Variants in CPED1 observed in about 807,000 individuals in gnomAD.
The protein encoded by CPED1 is cadherin like and PC-esterase domain containing 1.
A neutral mutation model predicts 128.2 loss-of-function variants in CPED1; 114 were observed. That is an observed-to-expected ratio of 0.89 (90% CI 0.76 to 1.04). CPED1 has a LOEUF of 1.04. CPED1 is among the 50% of genes least tolerant of loss of function. The pLI is 0.00. For missense variants in CPED1, 1,211 were observed against 1,207.1 expected (o/e 1.00, Z -0.05); for synonymous variants, 462 against 426.7 (o/e 1.08, Z -1.02).
intron 5 of CPED1, among the ~76,000 whole-genome samples, chr7:121,088,670 AAAAGT>A (rs935308443): frequency 6.7e-6 from 1 of 149,962 alleles, no homozygotes; most frequent in African/African-American, 2.4e-5. Flanking sequence ...AAAAAAAAAG[AAAAGT>A]AGTCATTTGA....
At chr7:121,213,651 A>G (rs1290204673) in intron 16 of CPED1, among the ~76,000 whole-genome samples, 3 of 152,012 alleles carry the variant, frequency 2.0e-5, no homozygotes, top group Non-Finnish European at 2.9e-5. Flanking sequence ...ACCTCACAAA[A>G]CTGTGTTCTT....
intron 16 of CPED1, among the ~76,000 whole-genome samples, chr7:121,214,765 T>C (rs997898330): frequency 4.6e-5 from 7 of 152,084 alleles, no homozygotes; most frequent in Non-Finnish European, 5.9e-5. Flanking sequence ...CACAATGCCA[T>C]AGTAGTCTGA....
chr7:121,077,887 T>A (rs1237223802), intron 5 of CPED1, among the ~76,000 whole-genome samples: 1 of 151,998 alleles, frequency 6.6e-6, no homozygotes, highest in East Asian at 1.9e-4. Context: ...ATTTTTAAAG[T>A]GTTTTTTACA....
intron 2 of CPED1, among the ~76,000 whole-genome samples, chr7:121,012,605 G>T (rs569112138): frequency 6.6e-6 from 1 of 152,150 alleles, no homozygotes; most frequent in Non-Finnish European, 1.5e-5. Flanking sequence ...TTTCACATAC[G>T]CAATGTGTGC....
intron 5 of CPED1, among the ~76,000 whole-genome samples, chr7:121,073,331 T>C (rs554659869): frequency 3.9e-5 from 6 of 152,006 alleles, no homozygotes; most frequent in African/African-American, 1.2e-4. Context: ...ATTGAGGAGA[T>C]GGAAAAAGAG....
intron 3 of CPED1, among the ~76,000 whole-genome samples, chr7:121,044,419 C>T (rs575906242): frequency 3.9e-5 from 6 of 152,206 alleles, no homozygotes; most frequent in Admixed American, 1.3e-4. Context: ...GAAGATATTA[C>T]TTGAAATTTC....
At chr7:121,172,673 G>GATAGATAGATAA (rs1227821339) in intron 16 of CPED1, among the ~76,000 whole-genome samples, 12 of 149,866 alleles carry the variant, frequency 8.0e-5, no homozygotes, top group African/African-American at 2.9e-4. Context: ...TAGATAGATA[G>GATAGATAGATAA]ATAGATAGAT....
At chr7:121,119,236 TA>T (rs1209489656) in intron 7 of CPED1, among the ~76,000 whole-genome samples, 1,221 of 52,098 alleles carry the variant, frequency 0.023, 13 homozygotes, top group African/African-American at 0.053. Flanking sequence ...CTAAAAAAGA[TA>T]TTTTTTTTTT....
intron 4 of CPED1, among the ~76,000 whole-genome samples, chr7:121,048,663 C>T (rs1793275172): frequency 6.6e-6 from 1 of 152,154 alleles, no homozygotes; most frequent in Non-Finnish European, 1.5e-5. Flanking sequence ...CCTCAGCCAC[C>T]AAGTAGCTGG....
At chr7:121,077,817 CT>C (rs1349425479) in intron 5 of CPED1, among the ~76,000 whole-genome samples, 2 of 151,174 alleles carry the variant, frequency 1.3e-5, no homozygotes, top group East Asian at 3.9e-4. Flanking sequence ...TGTCTTTTAC[CT>C]TTATTTATGG....
chr7:121,281,772 C>T (rs1205092244), intron 22 of CPED1, among the ~76,000 whole-genome samples: 1 of 152,036 alleles, frequency 6.6e-6, no homozygotes, highest in African/African-American at 2.4e-5. Context: ...ACTTGAAAGT[C>T]TTGAAAGTCT....
intron 3 of CPED1, among the ~76,000 whole-genome samples, chr7:121,022,289 A>C (rs1409101626): frequency 6.6e-6 from 1 of 152,064 alleles, no homozygotes; most frequent in Non-Finnish European, 1.5e-5. Context: ...AGGAACACTG[A>C]TATTCTATTT....
intron 2 of CPED1, among the ~76,000 whole-genome samples, chr7:121,005,049 C>T (rs1001302809): frequency 2.0e-5 from 3 of 152,082 alleles, no homozygotes; most frequent in Non-Finnish European, 1.5e-5. Flanking sequence ...TATTTAATGT[C>T]TCATATATAA....
chr7:121,227,670 C>T (rs1798045907), intron 16 of CPED1, among the ~76,000 whole-genome samples: 2 of 152,036 alleles, frequency 1.3e-5, no homozygotes, highest in Admixed American at 1.3e-4. Context: ...TAAAACCTAC[C>T]TCTCAGTAAT....
intron 16 of CPED1, among the ~76,000 whole-genome samples, chr7:121,199,670 C>A (rs1797345338): frequency 6.1e-5 from 1 of 16,418 alleles, no homozygotes. Context: ...AGTGAGACTC[C>A]ATCAAAAAAA....
At chr7:121,281,810 T>A (rs1024648466) in intron 22 of CPED1, among the ~76,000 whole-genome samples, 1 of 152,156 alleles carries the variant, frequency 6.6e-6, no homozygotes, top group Non-Finnish European at 1.5e-5. Context: ...AATGTGAACA[T>A]TGCTGTGAGA....
chr7:121,261,258 G>C (rs1792010312), intron 18 of CPED1, among the ~76,000 whole-genome samples: 1 of 152,018 alleles, frequency 6.6e-6, no homozygotes, highest in Non-Finnish European at 1.5e-5. Flanking sequence ...AATATTTCTT[G>C]ATATTATTCA....
chr7:121,064,158 C>G (rs968065285), intron 4 of CPED1, 80 bp from the exon 5 acceptor site: 13 of 921,944 alleles, frequency 1.4e-5, no homozygotes, highest in Non-Finnish European at 9.0e-6. Flanking sequence ...TCTATACTCT[C>G]TGGGTTTTTT....
chr7:121,236,762 ATTTCTTC>A lies in CPED1; in HGVS notation c.2106_2112del (p.Ile702MetfsTer12). The A allele has an allele frequency of 6.2e-7, 1 of 1,610,236 alleles. No homozygotes were observed. Among genetic ancestry groups the A allele is most frequent in the Admixed American group, 1.7e-5 (1 of 59,038 alleles). On this transcript the variant is annotated frameshift_variant, in exon 17 of 23. Transcript: ENST00000310396. LOFTEE classifies it high-confidence loss of function. Reference sequence around the variant, plus strand: ...AGAGGAAACCTGTGGGTTACAGCCTATTTCTTCTGACTACATTGAAGCCATTTTACAG... The same window carrying A: ...AGAGGAAACCTGTGGGTTACAGCCTATGACTACATTGAAGCCATTTTACAG...
Sources: allele counts gnomAD v4.1 joint callset (sites outside exome capture counted in the v4.1 genomes callset), GRCh38; gene constraint gnomAD v4.1.1; transcripts MANE v1.5; gene names NCBI Gene and HGNC (gene_info 2026-07-23, HGNC 2026-07-21).